The following ATP8B4 variants were observed in gnomAD, a reference collection of about 807,000 sequenced individuals.
ATP8B4 encodes ATPase phospholipid transporting 8B4 (putative).
A neutral mutation model predicts 145.6 loss-of-function variants in ATP8B4; 133 were observed. That is an observed-to-expected ratio of 0.91 (90% confidence interval 0.79 to 1.05). The LOEUF (loss-of-function observed/expected upper bound fraction) is 1.05. Ranked by LOEUF, ATP8B4 falls within the 50% of genes least tolerant of loss-of-function variation. The probability of loss-of-function intolerance (pLI) is 0.00; values close to 1 mark genes in which losing one functional copy is unlikely to be tolerated. For missense variants in ATP8B4, 1,458 were observed against 1,425.2 expected, an observed-to-expected ratio of 1.02 and a Z score of -0.37; for synonymous variants, 507 against 492.9, an observed-to-expected ratio of 1.03 and a Z score of -0.38.
chr15:49,993,691 A>T (rs183082130), intron 9 of ATP8B4, among the ~76,000 whole-genome samples: 20 of 152,290 alleles, frequency 1.3e-4, no homozygotes, highest in Admixed American at 1.2e-3. Context: ...TTATTAGAAT[A>T]AACCCATAAA....
At chr15:50,002,050 T>C (rs901779236) in intron 8 of ATP8B4, 103 bp downstream of exon 8, 9 of 935,124 alleles carry the variant, frequency 9.6e-6, no homozygotes, top group African/African-American at 1.7e-5. Context: ...TAAACTCCTA[T>C]GTCTCCCAAG....
chr15:50,069,560 C>T (rs2053592010), intron 3 of ATP8B4, among the ~76,000 whole-genome samples: 1 of 152,106 alleles, frequency 6.6e-6, no homozygotes, highest in Non-Finnish European at 1.5e-5. Context: ...CCACTCTTAG[C>T]CTCAGATTGT....
At chr15:49,909,576 C>A (rs942052962) in intron 20 of ATP8B4, among the ~76,000 whole-genome samples, 1 of 152,062 alleles carries the variant, frequency 6.6e-6, no homozygotes, top group African/African-American at 2.4e-5. Flanking sequence ...CAAAGACAGG[C>A]AGGCTCAGCC....
At position 49,860,073 on chromosome 15, in the gene ATP8B4, A is replaced by C; in HGVS notation, c.*121T>G. ...ACTGGCAGTTGTCTGCCGCAGATTT[A>C]AGTTAAGTGAGGCAATCTGCCTGCC... On this transcript the variant is annotated 3_prime_UTR_variant, in exon 28 of 28. Coordinates refer to ENST00000284509, the MANE Select transcript of ATP8B4 (RefSeq NM_024837.4). 1 of 1,235,674 alleles carries C rather than the reference A, an allele frequency of 8.1e-7. No homozygotes were observed. The highest frequency in any genetic ancestry group is 1.5e-5 in the African/African-American group (1 of 66,324). 76.5% of individuals were successfully genotyped at this position (1,235,674 alleles called of 1,614,324 possible). A position where few individuals can be genotyped will look rare whatever the true frequency, so the allele number is the denominator to read the frequency against.
chr15:50,045,614 A>G (rs2051653885), intron 4 of ATP8B4, among the ~76,000 whole-genome samples: 1 of 152,140 alleles, frequency 6.6e-6, no homozygotes, highest in Non-Finnish European at 1.5e-5. Context: ...TTTAAAAAAA[A>G]CTCAAAAGCC....
intron 14 of ATP8B4, among the ~76,000 whole-genome samples, chr15:49,944,133 G>T (rs1020577533): frequency 5.9e-5 from 9 of 151,734 alleles, no homozygotes; most frequent in Non-Finnish European, 5.9e-5. Flanking sequence ...AAACACAAAG[G>T]AAGACAGCAA....
At chr15:50,152,024 T>C (rs895318466) in intron 1 of ATP8B4, among the ~76,000 whole-genome samples, 1 of 152,158 alleles carries the variant, frequency 6.6e-6, no homozygotes, top group African/African-American at 2.4e-5. Context: ...TTATCATTTA[T>C]ATAATATCAT....
At chr15:50,034,297 C>A (rs1472727433) in intron 6 of ATP8B4, among the ~76,000 whole-genome samples, 1 of 144,028 alleles carries the variant, frequency 6.9e-6, no homozygotes, top group Non-Finnish European at 1.5e-5. Context: ...ATGGCATGAT[C>A]TCGGCCCACT....
intron 1 of ATP8B4, among the ~76,000 whole-genome samples, chr15:50,110,695 G>C (rs1395201148): frequency 6.6e-6 from 1 of 152,200 alleles, no homozygotes; most frequent in Non-Finnish European, 1.5e-5. Context: ...AAAGCTGCTA[G>C]ATGAGTCTTA....
chr15:50,084,826 T>G (rs867664819), intron 2 of ATP8B4, among the ~76,000 whole-genome samples: 1 of 152,118 alleles, frequency 6.6e-6, no homozygotes, highest in Non-Finnish European at 1.5e-5. Context: ...TCTCATTCTC[T>G]GCCCTTGACC....
chr15:50,094,182 G>A (rs1467444700), intron 2 of ATP8B4, among the ~76,000 whole-genome samples: 2 of 152,138 alleles, frequency 1.3e-5, no homozygotes, highest in African/African-American at 2.4e-5. Flanking sequence ...AGTAGGCAGC[G>A]TAAAGCAGAT....
intron 3 of ATP8B4, among the ~76,000 whole-genome samples, chr15:50,056,658 C>A (rs558662943): frequency 6.6e-6 from 1 of 151,344 alleles, no homozygotes; most frequent in Admixed American, 6.6e-5. Context: ...GTTAAAGTTA[C>A]TAACATTTAA....
Position 50,172,839 on chromosome 15 carries a change from C to T in ATP8B4, c.-43+9422G>A, listed in dbSNP as rs570003112. On this transcript the variant is annotated intron_variant, in intron 1 of 3. Coordinates refer to the ATP8B4 transcript ENST00000558829. ...GAGTGTCTCTGCCCCGCCACCACCCCGTCTGGGAGGTGAGGAGCGTCTCTG... is the reference window on the plus strand; with the variant it reads ...GAGTGTCTCTGCCCCGCCACCACCCTGTCTGGGAGGTGAGGAGCGTCTCTG... Among the ~76,000 whole-genome samples, 9 of 152,094 alleles carry T rather than the reference C, an allele frequency of 5.9e-5. No homozygotes were observed. In the South Asian group the frequency reaches 1.7e-3, roughly 28 times the overall value.
intron 3 of ATP8B4, among the ~76,000 whole-genome samples, chr15:50,057,942 C>T (rs1020968552): frequency 6.6e-6 from 1 of 152,018 alleles, no homozygotes; most frequent in East Asian, 1.9e-4. Context: ...TAAGTAGTTG[C>T]AGTAAAATGT....
chr15:49,969,311 C>T (rs1021623922), intron 13 of ATP8B4, among the ~76,000 whole-genome samples: 2 of 152,000 alleles, frequency 1.3e-5, no homozygotes, highest in East Asian at 1.9e-4. Context: ...ACGAAAAACC[C>T]TTCAAAAAAT....
At chr15:49,898,044 C>G (rs749134718) in intron 22 of ATP8B4, 24 bp downstream of exon 22, 1 of 1,612,136 alleles carries the variant, frequency 6.2e-7, no homozygotes, top group East Asian at 2.2e-5. Flanking sequence ...TGCAGCATAC[C>G]CCATTGAGCA....
At chr15:50,089,438 A>C (rs1274259088) in intron 2 of ATP8B4, among the ~76,000 whole-genome samples, 1 of 152,172 alleles carries the variant, frequency 6.6e-6, no homozygotes, top group Non-Finnish European at 1.5e-5. Flanking sequence ...ACAAGAAAAA[A>C]GCAAACAACC....
chr15:49,908,099 C>T (rs1271869495), intron 20 of ATP8B4: 3 of 456,012 alleles, frequency 6.6e-6, no homozygotes, highest in East Asian at 6.9e-5. Flanking sequence ...GTAATGCCTA[C>T]GATTGAGTTT....
At chr15:49,996,786 T>C in intron 8 of ATP8B4, 27 bp from the exon 9 acceptor site, 1 of 1,579,116 alleles carries the variant, frequency 6.3e-7, no homozygotes, top group Non-Finnish European at 8.7e-7. Context: ...ATGACATGAA[T>C]TTTTATATGG....
Sources: allele counts gnomAD v4.1 joint callset (sites outside exome capture counted in the v4.1 genomes callset), GRCh38; gene constraint gnomAD v4.1.1; transcripts MANE v1.5; gene names NCBI Gene and HGNC (gene_info 2026-07-23, HGNC 2026-07-21).